Variants in AKT3 observed in about 807,000 individuals in gnomAD.
AKT3 encodes the protein RAC-gamma serine/threonine-protein kinase.
AKT3 carries 15 observed loss-of-function variants against 65.3 expected under a neutral mutation model. The observed-to-expected ratio is 0.23, with a 90% CI of 0.15 to 0.35. The LOEUF (loss-of-function observed/expected upper bound fraction) is 0.35. Among genes scored for constraint, AKT3 ranks in the 10% least tolerant of loss-of-function variants. AKT3 has a pLI of 1.00. For missense variants in AKT3, 243 were observed against 576.5 expected, an observed-to-expected ratio of 0.42 and a Z score of 5.92; for synonymous variants, 206 against 183.8, an observed-to-expected ratio of 1.12 and a Z score of -0.98.
intron 8 of AKT3, among the ~76,000 whole-genome samples, chr1:243,575,420 G>A (rs939040051): frequency 2.0e-5 from 3 of 152,078 alleles, no homozygotes; most frequent in East Asian, 1.9e-4. Context: ...CATTGAGTGC[G>A]GTAACATTCT....
At chr1:243,496,664 C>G (rs1325705438), downstream of AKT3, among the ~76,000 whole-genome samples, 1 of 152,192 alleles carries the variant, frequency 6.6e-6, no homozygotes, top group African/African-American at 2.4e-5. Flanking sequence ...CACCATCTCC[C>G]CGGGCTGCCA....
intron 8 of AKT3, among the ~76,000 whole-genome samples, 175 bp downstream of exon 8, chr1:243,613,496 A>T (rs982370009): frequency 6.6e-6 from 1 of 152,176 alleles, no homozygotes; most frequent in African/African-American, 2.4e-5. Flanking sequence ...ATATAAAAAC[A>T]ATCATTACAT....
At chr1:243,772,938 C>T (rs1198722747) in intron 2 of AKT3, among the ~76,000 whole-genome samples, 2 of 147,620 alleles carry the variant, frequency 1.4e-5, no homozygotes, top group African/African-American at 2.5e-5. Context: ...ATCACCAGGA[C>T]AGAAAACCAA....
At chr1:243,807,056 T>C (rs760282959) in intron 2 of AKT3, among the ~76,000 whole-genome samples, 9 of 152,096 alleles carry the variant, frequency 5.9e-5, no homozygotes, top group African/African-American at 9.7e-5. Flanking sequence ...TAGGGAGCAG[T>C]TCCAAGATGG....
intron 13 of AKT3, among the ~76,000 whole-genome samples, chr1:243,506,918 A>G (rs929290437): frequency 2.6e-5 from 4 of 152,234 alleles, no homozygotes; most frequent in African/African-American, 9.6e-5. Flanking sequence ...AGCTACAGTA[A>G]AAACGGAAGG....
intron 12 of AKT3, among the ~76,000 whole-genome samples, chr1:243,536,252 GT>G (rs1243763940): frequency 1.3e-5 from 2 of 151,890 alleles, no homozygotes; most frequent in Non-Finnish European, 2.9e-5. Context: ...ATTTATTTTT[GT>G]TTTTACTGTA....
At chr1:243,719,609 T>C (rs1242930532) in intron 2 of AKT3, among the ~76,000 whole-genome samples, 1 of 152,040 alleles carries the variant, frequency 6.6e-6, no homozygotes, top group East Asian at 1.9e-4. Context: ...CAATGAAAGT[T>C]TTGTTTCTGG....
At chr1:243,535,312 A>G (rs764352467) in intron 12 of AKT3, among the ~76,000 whole-genome samples, 9 of 148,224 alleles carry the variant, frequency 6.1e-5, no homozygotes, top group Admixed American at 2.0e-4. Context: ...TAGTGTACCC[A>G]TCACCCAAAT....
At chr1:243,664,681 A>G (rs1195799456) in intron 4 of AKT3, 91 bp downstream of exon 4, 3 of 438,318 alleles carry the variant, frequency 6.8e-6, no homozygotes, top group Non-Finnish European at 7.4e-6. Context: ...AAATATATTT[A>G]TATATATTTA....
Position 243,736,527 on chromosome 1 carries a change from G to A in AKT3, c.47-40811C>T, listed in dbSNP as rs551128128. Among the ~76,000 whole-genome samples, 8 of 152,212 alleles carry A rather than the reference G, an allele frequency of 5.3e-5. No homozygotes were observed. In the South Asian group the frequency reaches 1.4e-3, roughly 28 times the overall value. On this transcript the variant is annotated intron_variant, in intron 2 of 13. Coordinates refer to ENST00000673466, the MANE Select transcript of AKT3 (RefSeq NM_005465.7). ...GAAGCAAGAATTAGAAAAAAGAATG[G>A]CCCTACCAATAAAGGTTTAAAAGTC...
chr1:243,595,884 A>T (rs549427172), intron 8 of AKT3, among the ~76,000 whole-genome samples: 14 of 152,336 alleles, frequency 9.2e-5, no homozygotes, highest in Non-Finnish European at 1.5e-4. Context: ...TGAAAAGTAC[A>T]ATATATAAAA....
chr1:243,597,033 G>A (rs976490494), intron 8 of AKT3, among the ~76,000 whole-genome samples: 2 of 152,162 alleles, frequency 1.3e-5, no homozygotes, highest in African/African-American at 4.8e-5. Flanking sequence ...TGGCTACCTA[G>A]GGCCACGTGT....
intron 2 of AKT3, among the ~76,000 whole-genome samples, chr1:243,727,804 A>T (rs1324981194): frequency 1.3e-5 from 2 of 152,214 alleles, no homozygotes; most frequent in Non-Finnish European, 2.9e-5. Flanking sequence ...AAAAAGCATC[A>T]TAACTATTTT....
At chr1:243,703,920 T>C (rs1361633788) in intron 2 of AKT3, among the ~76,000 whole-genome samples, 3 of 152,212 alleles carry the variant, frequency 2.0e-5, no homozygotes, top group Non-Finnish European at 4.4e-5. Flanking sequence ...ATTAAATACA[T>C]ATATTGATTA....
At chr1:243,833,547 G>A (rs1694681746) in intron 2 of AKT3, among the ~76,000 whole-genome samples, 1 of 152,002 alleles carries the variant, frequency 6.6e-6, no homozygotes, top group African/African-American at 2.4e-5. Context: ...TTGACACGTA[G>A]GGATTACAAT....
In AKT3 at chr1:243,785,880, C is replaced by T. The variant is rs150271379; in HGVS notation, c.46+57245G>A. The stretch of plus-strand genomic sequence containing the variant: ...GGACTCCAGAACTGCTTTTGTCCAT[C>T]CCAACACAGCCTGAAAGGATAGGGT... On this transcript the variant is annotated intron_variant, in intron 2 of 13. Transcript: ENST00000673466. Among the ~76,000 whole-genome samples the T allele has an allele frequency of 8.3e-3, 1,265 of 152,302 alleles. 15 individuals carry two copies. Among genetic ancestry groups the T allele is most frequent in the African/African-American group, 0.029 (1,217 of 41,552 alleles).
rs767776749 is a variant in AKT3, at chr1:243,695,733, C to A, written c.47-17G>T. 1 of 1,569,632 alleles carries A rather than the reference C, an allele frequency of 6.4e-7. No individual in the cohort carries two copies. The highest frequency in any genetic ancestry group is 8.6e-7 in the Non-Finnish European group (1 of 1,162,414). On this transcript the variant is annotated splice_polypyrimidine_tract_variant and intron_variant, in intron 2 of 13. Coordinates refer to ENST00000673466, the MANE Select transcript of AKT3 (RefSeq NM_005465.7). ...TATATTCTCCTACATGAGGAAAGCA[C>A]GCATGTTAATGCTGAAAAAAATGAA...
chr1:243,604,140 C>G (rs1307926158), intron 8 of AKT3, among the ~76,000 whole-genome samples: 1 of 152,088 alleles, frequency 6.6e-6, no homozygotes, highest in Non-Finnish European at 1.5e-5. Flanking sequence ...GGTGATCCAC[C>G]CACCTCAGCC....
At chr1:243,845,845 G>T (rs1695497768) in intron 1 of AKT3, among the ~76,000 whole-genome samples, 1 of 152,042 alleles carries the variant, frequency 6.6e-6, no homozygotes, top group Non-Finnish European at 1.5e-5. Flanking sequence ...TCATCACAAT[G>T]GTGTATTAGG....
Sources: gnomAD v4.1 joint callset for allele counts (sites outside exome capture counted in the v4.1 genomes callset) on GRCh38, gnomAD v4.1.1 for gene constraint, MANE v1.5 for transcripts, NCBI Gene and HGNC (gene_info 2026-07-23, HGNC 2026-07-21) for gene names.